Variants in DMD observed in about 807,000 individuals in gnomAD.
DMD encodes the protein dystrophin.
Under a neutral mutation model 330.1 loss-of-function variants are expected in DMD, and 63 were observed. The observed-to-expected ratio is 0.19, with a 90% CI of 0.16 to 0.24. The LOEUF is 0.24. DMD is among the 10% of genes least tolerant of loss of function. The pLI is 1.00. For missense variants in DMD, 3,344 were observed against 2,684.1 expected (o/e 1.25, Z -5.43); for synonymous variants, 1,223 against 959.8 (o/e 1.27, Z -5.07).
At chrX:32,202,939 G>C (rs1316248535) in intron 44 of DMD, among the ~76,000 whole-genome samples, 1 of 112,128 alleles carries the variant, frequency 8.9e-6, no homozygotes, top group Non-Finnish European at 1.9e-5. Context: ...ATCTTGAAAA[G>C]TGCAAATCTC....
intron 6 of DMD, among the ~76,000 whole-genome samples, chrX:32,813,858 A>C (rs1334069448): frequency 8.9e-6 from 1 of 112,060 alleles, no homozygotes; most frequent in Non-Finnish European, 1.9e-5. Context: ...AATGTAATAA[A>C]AGCAAAAATT....
chrX:31,801,324 A>C (rs1399001667), intron 50 of DMD, among the ~76,000 whole-genome samples: 1 of 110,823 alleles, frequency 9.0e-6, no homozygotes, highest in Non-Finnish European at 1.9e-5. Flanking sequence ...CTATCACGAC[A>C]ACAGCATGGG....
intron 55 of DMD, among the ~76,000 whole-genome samples, chrX:31,614,079 C>A (rs779668564): frequency 8.9e-6 from 1 of 112,310 alleles, no homozygotes; most frequent in East Asian, 2.8e-4. Flanking sequence ...ACTCATTGCA[C>A]TTTTTAAAAC....
intron 62 of DMD, among the ~76,000 whole-genome samples, chrX:31,284,599 CTTCTTCTTT>C (rs1334967975): frequency 7.0e-5 from 6 of 85,299 alleles, no homozygotes; most frequent in African/African-American, 2.7e-4. Flanking sequence ...TCTTCTTCTT[CTTCTTCTTT>C]TTTTTGGCAG....
At chrX:32,045,410 T>C (rs963586256) in intron 44 of DMD, among the ~76,000 whole-genome samples, 13 of 102,384 alleles carry the variant, frequency 1.3e-4, no homozygotes, top group Non-Finnish European at 2.6e-4. Flanking sequence ...TGTGACATGC[T>C]TACTCCTGTT....
chrX:32,221,750 T>C (rs2147902010), intron 43 of DMD, among the ~76,000 whole-genome samples: 1 of 111,721 alleles, frequency 9.0e-6, no homozygotes, highest in South Asian at 3.7e-4. Context: ...ATTCTACCAC[T>C]CTGTCTGCCT....
At chrX:31,507,558 A>C in intron 55 of DMD, 105 bp from the exon 56 acceptor site, 6 of 816,535 alleles carry the variant, frequency 7.3e-6, no homozygotes, top group Non-Finnish European at 1.1e-5. Flanking sequence ...TTATTAGTTC[A>C]AAAGACATTT....
At chrX:33,102,454 T>A (rs1162502722) in intron 1 of DMD, among the ~76,000 whole-genome samples, 1 of 111,231 alleles carries the variant, frequency 9.0e-6, no homozygotes, top group Non-Finnish European at 1.9e-5. Context: ...GTTAAAATTT[T>A]TTTCTTCAAA....
At chrX:32,783,671 T>C (rs1319887159) in intron 7 of DMD, among the ~76,000 whole-genome samples, 2 of 110,363 alleles carry the variant, frequency 1.8e-5, no homozygotes, top group African/African-American at 6.6e-5. Flanking sequence ...TTATATTGTA[T>C]TAGGTATTAT....
intron 33 of DMD, among the ~76,000 whole-genome samples, chrX:32,382,617 A>AT (rs5902030): frequency 0.04 from 4,066 of 101,831 alleles, 115 homozygotes; most frequent in African/African-American, 0.096. Flanking sequence ...TTTCCCTTCT[A>AT]TTTTTTTTTT....
At chrX:31,717,361 A>AT (rs1193723142) in intron 52 of DMD, among the ~76,000 whole-genome samples, 1 of 104,850 alleles carries the variant, frequency 9.5e-6, no homozygotes, top group Non-Finnish European at 2.0e-5. Context: ...CCTGCCAGAC[A>AT]TTAAGAAAAA....
At chrX:32,834,863 T>A in intron 4 of DMD, among the ~76,000 whole-genome samples, 1 of 111,467 alleles carries the variant, frequency 9.0e-6, no homozygotes, top group South Asian at 3.7e-4. Flanking sequence ...TGTATGAATC[T>A]TTATAAAAGG....
intron 7 of DMD, among the ~76,000 whole-genome samples, chrX:32,771,567 AACT>A (rs1170169780): frequency 9.2e-6 from 1 of 108,984 alleles, no homozygotes; most frequent in African/African-American, 3.5e-5. Flanking sequence ...GCTTTTTTCA[AACT>A]ACTATTATAT....
At chrX:32,586,154 A>G (rs769584002) in intron 13 of DMD, among the ~76,000 whole-genome samples, 2 of 111,429 alleles carry the variant, frequency 1.8e-5, no homozygotes, top group East Asian at 5.6e-4. Context: ...GTGCCATTTT[A>G]TATTTAAGTA....
At chrX:33,338,996 A>T (rs2054296335) in intron 1 of DMD, among the ~76,000 whole-genome samples, 1 of 111,156 alleles carries the variant, frequency 9.0e-6, no homozygotes, top group Non-Finnish European at 1.9e-5. Context: ...CTCCTGAACA[A>T]TACTTTATTC....
In DMD at chrX:32,751,466, G is replaced by T. The variant is rs183592465; in HGVS notation, c.650-52173C>A. The stretch of plus-strand genomic sequence containing the variant: ...GAGAGGGGTGATTTAGCGTTATCTG[G>T]TGGGAGAAACTTCTAAGCAGCAAAG... On this transcript the variant is annotated intron_variant, in intron 7 of 78. Transcript: ENST00000357033. 1.1e-3 allele frequency among the ~76,000 whole-genome samples: 127 copies of T among 111,732 alleles called. 1 individual carries two copies. Among genetic ancestry groups the T allele is most frequent in the Non-Finnish European group, 2.3e-3 (121 of 53,202 alleles).
Position 32,620,637 on chromosome X carries a change from T to C in DMD, c.1332-6184A>G, listed in dbSNP as rs111800013. 5.5e-3 allele frequency among the ~76,000 whole-genome samples: 613 copies of C among 112,264 alleles called. 6 individuals carry two copies. The highest frequency in any genetic ancestry group is 0.019 in the African/African-American group (578 of 30,991). ...TGAAAGTTGCTAGTATTTGAAAGCATCATTTACTTTTTGCTTTTGGACAGA... is the reference window on the plus strand; with the variant it reads ...TGAAAGTTGCTAGTATTTGAAAGCACCATTTACTTTTTGCTTTTGGACAGA... On this transcript the variant is annotated intron_variant, in intron 11 of 78. Coordinates refer to ENST00000357033, the MANE Select transcript of DMD (RefSeq NM_004006.3).
At position 32,606,844 on chromosome X, in the gene DMD, A is replaced by G. The variant is rs115679457; in HGVS notation, c.1482+7459T>C. 4.4e-3 allele frequency among the ~76,000 whole-genome samples: 476 copies of G among 109,015 alleles called. 3 individuals are homozygous for G. Among genetic ancestry groups the G allele is most frequent in the African/African-American group, 0.015 (449 of 30,372 alleles). 94.7% of individuals were successfully genotyped at this position (109,015 alleles called of 115,157 possible). ...AATCCTGTCTTTTGCAGTTACATGAATAGGAACTATAGGCCATTATCCTAA... is the reference window on the plus strand; with the variant it reads ...AATCCTGTCTTTTGCAGTTACATGAGTAGGAACTATAGGCCATTATCCTAA... On this transcript the variant is annotated intron_variant, in intron 12 of 78. Transcript: ENST00000357033.
chrX:31,697,062 G>A (rs968879237), intron 52 of DMD, among the ~76,000 whole-genome samples: 3 of 112,161 alleles, frequency 2.7e-5, no homozygotes, highest in Non-Finnish European at 5.6e-5. Flanking sequence ...TCATCAGAGC[G>A]AAGCTGTTAT....
Sources: gnomAD v4.1 joint callset for allele counts (sites outside exome capture counted in the v4.1 genomes callset) on GRCh38, gnomAD v4.1.1 for gene constraint, MANE v1.5 for transcripts, NCBI Gene and HGNC (gene_info 2026-07-23, HGNC 2026-07-21) for gene names.